The following TCHP variants were observed in gnomAD, a reference collection of about 807,000 sequenced individuals.
TCHP encodes trichoplein keratin filament-binding protein.
TCHP carries 81 observed loss-of-function variants against 88.7 expected under a neutral mutation model. The observed-to-expected ratio is 0.91, with a 90% CI of 0.76 to 1.10. The LOEUF (loss-of-function observed/expected upper bound fraction) is 1.10. TCHP is among the 50% of genes least tolerant of loss of function. The probability of loss-of-function intolerance (pLI) is 0.00; values close to 1 mark genes in which losing one functional copy is unlikely to be tolerated. For synonymous variants in TCHP, 232 were observed against 232.5 expected (o/e 1.00, Z 0.02); for missense variants, 641 against 632.1 (o/e 1.01, Z -0.15).
chr12:109,895,752 C>T (rs895203978), upstream of TCHP, among the ~76,000 whole-genome samples: 2 of 152,136 alleles, frequency 1.3e-5, no homozygotes, highest in Admixed American at 6.5e-5. Context: ...TAATGGAGAG[C>T]GGCTCCCATA....
Position 109,903,832 on chromosome 12 carries a change from T to C in TCHP, c.189-105T>C. ...CTTTGGCTGGGGACACATTCCTGTG[T>C]CGTCATGACACATCTACCTCAGCCT... is the stretch of plus-strand genomic sequence containing the variant. On this transcript the variant is annotated intron_variant, in intron 2 of 12. Coordinates refer to ENST00000405876, the MANE Select transcript of TCHP (RefSeq NM_001143852.2). This position sits in a 1 kb window ranked among gnomAD's most constrained non-coding sequence, Gnocchi z 4.6. The C allele has an allele frequency of 1.1e-6, 1 of 871,506 alleles. No homozygotes were observed. Among genetic ancestry groups the C allele is most frequent in the Non-Finnish European group, 1.9e-6 (1 of 539,732 alleles). The allele number at this position is 871,506 out of a possible 1,614,324, so 54.0% of individuals were successfully genotyped here.
At chr12:109,892,900 C>A in the TCHP span, among the ~76,000 whole-genome samples, 3 of 152,170 alleles carry the variant, frequency 2.0e-5, no homozygotes, top group Non-Finnish European at 4.4e-5. Context: ...TGAGTCTCCT[C>A]CTCTTTGTGG....
chr12:109,888,507 G>GCTCCACCC, the TCHP span: 1 of 152,284 alleles, frequency 6.6e-6, no homozygotes, highest in East Asian at 1.9e-4. Context: ...TCCTAAACCA[G>GCTCCACCC]CTCCACCCAG....
chr12:109,916,963 T>C lies in TCHP; in HGVS notation c.*340T>C. On this transcript the variant is annotated 3_prime_UTR_variant, in exon 13 of 13. Transcript: ENST00000405876. ...ACCTGTGATGGGGCGTGTGGTTTCC[T>C]GTTGTCTCACCTTTAATTGTCAACC... is the stretch of plus-strand genomic sequence containing the variant. 4.3e-6 allele frequency: 1 copy of C among 232,990 alleles called. No individual in the cohort carries two copies. The highest frequency in any genetic ancestry group is 5.6e-5 in the Admixed American group (1 of 17,730). The allele number at this position is 232,990 out of a possible 1,614,324, so 14.4% of individuals were successfully genotyped here. A position where few individuals can be genotyped will look rare whatever the true frequency, so the allele number is the denominator to read the frequency against.
At position 109,916,867 on chromosome 12, in the gene TCHP, G is replaced by A. The variant is rs1003730528; in HGVS notation, c.*244G>A. The A allele has an allele frequency of 3.0e-5, 15 of 504,810 alleles. No homozygotes were observed. The highest frequency in any genetic ancestry group is 1.1e-4 in the South Asian group (4 of 35,434). The allele number at this position is 504,810 out of a possible 1,614,324, so 31.3% of individuals were successfully genotyped here. On this transcript the variant is annotated 3_prime_UTR_variant, in exon 13 of 13. Coordinates refer to ENST00000405876, the MANE Select transcript of TCHP (RefSeq NM_001143852.2). ...TCTTTGATGGGCACGTGTTTACAGCGCTGCTGCATAGTCTTGTAATATATT... is the reference window on the plus strand; with the variant it reads ...TCTTTGATGGGCACGTGTTTACAGCACTGCTGCATAGTCTTGTAATATATT...
chr12:109,906,537 T>C, intron 4 of TCHP, 35 bp from the exon 5 acceptor site: 1 of 1,606,446 alleles, frequency 6.2e-7, no homozygotes, highest in Non-Finnish European at 8.5e-7. Flanking sequence ...ATCTGTCTGG[T>C]GAGGAAATTC....
At chr12:109,908,071 T>C (rs1030141878) in intron 6 of TCHP, among the ~76,000 whole-genome samples, 1 of 152,216 alleles carries the variant, frequency 6.6e-6, no homozygotes, top group Admixed American at 6.5e-5. Context: ...TCTCGAGGCA[T>C]AACTGAGGGT....
chr12:109,912,628 T>C (rs1035619656), intron 9 of TCHP, among the ~76,000 whole-genome samples: 1 of 152,012 alleles, frequency 6.6e-6, no homozygotes, highest in Non-Finnish European at 1.5e-5. Context: ...CTGTCTCTAC[T>C]AAAAATACAG....
chr12:109,915,305 CA>C, intron 11 of TCHP, 97 bp from the exon 12 acceptor site: 1 of 1,558,312 alleles, frequency 6.4e-7, no homozygotes. Context: ...CTGGATTCTC[CA>C]GTCTGGGTAG....
At chr12:109,883,479 C>T in the TCHP span, among the ~76,000 whole-genome samples, 1 of 152,150 alleles carries the variant, frequency 6.6e-6, no homozygotes, top group Admixed American at 6.5e-5. Context: ...CATGCTCCAT[C>T]AAGTCAGATC....
the TCHP span, among the ~76,000 whole-genome samples, chr12:109,882,647 ATT>A: frequency 6.4e-4 from 51 of 80,196 alleles, no homozygotes; most frequent in East Asian, 8.3e-3. Context: ...AAGAGTTTGG[ATT>A]TTTTTTTTTT....
chr12:109,908,824 A>G, intron 7 of TCHP, 47 bp from the exon 8 acceptor site: 1 of 1,604,888 alleles, frequency 6.2e-7, no homozygotes, highest in Non-Finnish European at 8.5e-7. Context: ...CTTCTATTTA[A>G]TTCTTTCTGA....
intron 4 of TCHP, 90 bp from the exon 5 acceptor site, chr12:109,906,482 C>G (rs2271319): frequency 7.8e-6 from 10 of 1,277,082 alleles, no homozygotes; most frequent in Admixed American, 3.7e-5. Flanking sequence ...GCCACGTTCC[C>G]GCAGGTGGCA....
chr12:109,917,188 GA>G lies in TCHP; in HGVS notation c.*566del, dbSNP rs1870867487. 6.6e-6 allele frequency: 1 copy of G among 152,196 alleles called. No homozygotes were observed. The highest frequency in any genetic ancestry group is 1.5e-5 in the Non-Finnish European group (1 of 68,046). The allele number at this position is 152,196 out of a possible 1,614,324, so 9.4% of individuals were successfully genotyped here. ...ACAAATTAGAACCCCGGAACACTCT[GA>G]CGTCCATGGACGCATTCCAGAAAAG... is the stretch of plus-strand genomic sequence containing the variant. On this transcript the variant is annotated 3_prime_UTR_variant, in exon 13 of 13. Coordinates refer to ENST00000405876, the MANE Select transcript of TCHP (RefSeq NM_001143852.2).
At chr12:109,900,893 C>T (rs1235517706) in intron 1 of TCHP, 1 of 152,284 alleles carries the variant, frequency 6.6e-6, no homozygotes. Flanking sequence ...AGCCGGCGTT[C>T]CTACCCAGGC....
upstream of TCHP, among the ~76,000 whole-genome samples, chr12:109,899,499 G>A (rs915985058): frequency 1.3e-5 from 2 of 152,088 alleles, no homozygotes; most frequent in Admixed American, 1.3e-4. Flanking sequence ...TTAGCTGGGC[G>A]TGGTGGCGTG....
intron 6 of TCHP, among the ~76,000 whole-genome samples, chr12:109,908,196 G>A (rs1870255169): frequency 6.6e-6 from 1 of 152,200 alleles, no homozygotes; most frequent in African/African-American, 2.4e-5. Flanking sequence ...TGCCCAGGCC[G>A]TGATTTAGCA....
chr12:109,907,499 G>T, intron 5 of TCHP, 27 bp from the exon 6 acceptor site: 3 of 1,596,116 alleles, frequency 1.9e-6, no homozygotes, highest in South Asian at 1.1e-5. Flanking sequence ...TACAGATATT[G>T]ACCTGTGTTC....
At chr12:109,882,428 TAAA>T in the TCHP span, among the ~76,000 whole-genome samples, 121 of 98,410 alleles carry the variant, frequency 1.2e-3, no homozygotes, top group African/African-American at 3.9e-3. Flanking sequence ...AGACTCCGTC[TAAA>T]AAAAAAAAAA....
Sources: gnomAD v4.1 joint callset for allele counts (sites outside exome capture counted in the v4.1 genomes callset) on GRCh38, gnomAD v4.1.1 for gene constraint, Gnocchi (gnomAD v3.1) non-coding constraint, MANE v1.5 for transcripts, NCBI Gene and HGNC (gene_info 2026-07-23, HGNC 2026-07-21) for gene names.